Variants in KMT2C observed in about 807,000 individuals in gnomAD.
The protein encoded by KMT2C is lysine methyltransferase 2C.
In KMT2C, 88 loss-of-function variants were observed where a neutral mutation model predicts 507.9. That is an observed-to-expected ratio of 0.17 (90% CI 0.15 to 0.21). The LOEUF (loss-of-function observed/expected upper bound fraction) is 0.21. Among genes scored for constraint, KMT2C ranks in the 10% least tolerant of loss-of-function variants. The pLI is 1.00. For synonymous variants in KMT2C, 2,049 were observed against 2,080.8 expected (o/e 0.98, Z 0.42); for missense variants, 4,954 against 5,957.8 (o/e 0.83, Z 5.55).
chr7:152,315,412 A>G, intron 3 of KMT2C, 74 bp from the exon 4 acceptor site: 3 of 1,034,882 alleles, frequency 2.9e-6, no homozygotes, highest in South Asian at 2.8e-5. Flanking sequence ...ATAACTATAG[A>G]TACTTGTGCT....
intron 38 of KMT2C, among the ~76,000 whole-genome samples, chr7:152,175,322 ATTTTT>A (rs936020356): frequency 6.7e-6 from 1 of 150,214 alleles, no homozygotes; most frequent in African/African-American, 2.4e-5. Flanking sequence ...ATTTTTTGTT[ATTTTT>A]TTTTAATTAT....
At chr7:152,429,231 A>G (rs1188038656) in intron 1 of KMT2C, among the ~76,000 whole-genome samples, 2 of 152,216 alleles carry the variant, frequency 1.3e-5, no homozygotes, top group Non-Finnish European at 2.9e-5. Context: ...AGCTCTTTAA[A>G]TAACATGTAC....
chr7:152,195,000 C>T (rs1358776314), intron 28 of KMT2C, among the ~76,000 whole-genome samples: 1 of 152,056 alleles, frequency 6.6e-6, no homozygotes, highest in Non-Finnish European at 1.5e-5. Flanking sequence ...ATGAAAAGCC[C>T]TAAAATGCTC....
intron 1 of KMT2C, among the ~76,000 whole-genome samples, chr7:152,432,273 T>C (rs1375626851): frequency 6.6e-6 from 1 of 152,168 alleles, no homozygotes; most frequent in African/African-American, 2.4e-5. Context: ...AGAAACATAG[T>C]AGAGTAGAAT....
intron 1 of KMT2C, among the ~76,000 whole-genome samples, chr7:152,413,005 C>T (rs1052865087): frequency 2.6e-5 from 4 of 152,098 alleles, no homozygotes; most frequent in African/African-American, 9.7e-5. Context: ...CTCTACAAGG[C>T]AGTTGACTGT....
chr7:152,150,539 T>C (rs536564960), intron 51 of KMT2C, among the ~76,000 whole-genome samples: 14 of 152,156 alleles, frequency 9.2e-5, no homozygotes, highest in South Asian at 8.3e-4. Context: ...TTGCTTGAAT[T>C]GGGAGGCAGA....
intron 21 of KMT2C, 31 bp downstream of exon 21, chr7:152,222,542 T>C (rs377767215): frequency 1.6e-4 from 184 of 1,143,316 alleles, no homozygotes; most frequent in Middle Eastern, 2.8e-4. Context: ...GGTACAAGAG[T>C]GCAGACTCAC....
At chr7:152,149,289 G>C (rs1587692720) in intron 51 of KMT2C, 137 bp from the exon 52 acceptor site, 2 of 720,302 alleles carry the variant, frequency 2.8e-6, no homozygotes, top group Non-Finnish European at 4.1e-6. Context: ...TCAGCAGTAA[G>C]TGCTGGGGGC....
At chr7:152,155,626 C>G (rs1034421382) in intron 46 of KMT2C, among the ~76,000 whole-genome samples, 1 of 152,116 alleles carries the variant, frequency 6.6e-6, no homozygotes, top group Non-Finnish European at 1.5e-5. Flanking sequence ...TTTTCCACTA[C>G]CTTCATGTCT....
chr7:152,198,464 A>G (rs1479793437), intron 27 of KMT2C, among the ~76,000 whole-genome samples: 1 of 152,344 alleles, frequency 6.6e-6, no homozygotes, highest in East Asian at 1.9e-4. Context: ...AAATGCAATT[A>G]ATGGTAAAAA....
At chr7:152,194,321 TAA>T in intron 29 of KMT2C, 60 bp from the exon 30 acceptor site, 1 of 1,348,924 alleles carries the variant, frequency 7.4e-7, no homozygotes, top group Non-Finnish European at 1.0e-6. Flanking sequence ...TATACTGATA[TAA>T]AATAGTATTT....
chr7:152,409,084 GTCTTGACC>G (rs1466011352), intron 1 of KMT2C, among the ~76,000 whole-genome samples: 1 of 151,808 alleles, frequency 6.6e-6, no homozygotes, highest in Non-Finnish European at 1.5e-5. Flanking sequence ...ACTCACTGCA[GTCTTGACC>G]TCCGGAGCTC....
chr7:152,248,418 T>G lies in KMT2C; in HGVS notation c.2016A>C (p.Glu672Asp), dbSNP rs114419085. 6.2e-7 allele frequency: 1 copy of G among 1,614,110 alleles called. No homozygotes were observed. The highest frequency in any genetic ancestry group is 8.5e-7 in the Non-Finnish European group (1 of 1,180,008). ...CTTCTCTGGATACCACTGTTTCAGG[T>G]TCCTCTAACAACTGCAGTTGTTCTT... ...VQQEQLQLLE[E>D]PETVVSREES... Residue 672 changes from glutamate (E) to aspartate (D), a missense_variant, in exon 14 of 59, where the codon GAA becomes GAC. By Grantham distance (45) the Glu-to-Asp change is conservative. This residue lies in a region of KMT2C where 376 missense variants were observed against 352.4 expected (regional missense o/e 1.07). Coordinates refer to ENST00000262189, the MANE Select transcript of KMT2C (RefSeq NM_170606.3).
intron 33 of KMT2C, among the ~76,000 whole-genome samples, chr7:152,186,437 T>C (rs10246450): frequency 0.042 from 6,354 of 152,282 alleles, 453 homozygotes; most frequent in African/African-American, 0.14. Context: ...GGATACTGCC[T>C]TCACAGGTCT....
At chr7:152,332,126 T>C (rs1332024860) in intron 2 of KMT2C, among the ~76,000 whole-genome samples, 1 of 152,192 alleles carries the variant, frequency 6.6e-6, no homozygotes, top group Non-Finnish European at 1.5e-5. Context: ...CTTCACTTTA[T>C]TGCCTTTTTC....
At position 152,424,115 on chromosome 7, in the gene KMT2C, A is replaced by AT. The variant is rs796410635; in HGVS notation, c.161+11510dup. ...TTTTTATCACTCGTATCCCAAATGC[A>AT]TTTTTTTTTTCTGAGACCGGGTATT... On this transcript the variant is annotated intron_variant, in intron 1 of 58. Transcript: ENST00000262189. Among the ~76,000 whole-genome samples the AT allele has an allele frequency of 6.5e-4, 98 of 150,042 alleles. 1 individual carries two copies. The highest frequency in any genetic ancestry group is 2.1e-3 in the African/African-American group (88 of 40,946).
intron 14 of KMT2C, among the ~76,000 whole-genome samples, chr7:152,239,821 A>AAGGTACAT (rs2095351229): frequency 6.6e-6 from 1 of 152,240 alleles, no homozygotes; most frequent in Non-Finnish European, 1.5e-5. Flanking sequence ...AACTTAAGAC[A>AAGGTACAT]AGGTACATAG....
intron 1 of KMT2C, among the ~76,000 whole-genome samples, chr7:152,416,447 G>A (rs549689752): frequency 1.3e-5 from 2 of 152,376 alleles, no homozygotes; most frequent in African/African-American, 4.8e-5. Flanking sequence ...CGGGAGGGAG[G>A]CTGAGGCAGG....
At chr7:152,385,501 C>A (rs1228835973) in intron 1 of KMT2C, among the ~76,000 whole-genome samples, 5 of 129,266 alleles carry the variant, frequency 3.9e-5, no homozygotes, top group Middle Eastern at 3.7e-3. Flanking sequence ...AGTCCCAGCT[C>A]CTTGGGAGGC....
Sources: allele counts gnomAD v4.1 joint callset (sites outside exome capture counted in the v4.1 genomes callset), GRCh38; gene constraint gnomAD v4.1.1; regional missense constraint gnomAD v4.1.1; transcripts MANE v1.5; gene names NCBI Gene and HGNC (gene_info 2026-07-23, HGNC 2026-07-21).